The following RALGAPA2 variants were observed in gnomAD, a reference collection of about 807,000 sequenced individuals.
RALGAPA2 encodes ral GTPase-activating protein subunit alpha-2.
RALGAPA2 carries 139 observed loss-of-function variants against 230.4 expected under a neutral mutation model. The ratio of observed to expected loss-of-function variants is 0.60; its 90% CI spans 0.53 to 0.69. The LOEUF (loss-of-function observed/expected upper bound fraction) is 0.69, where lower values mean the gene tolerates loss of function less well. RALGAPA2 is among the 30% of genes least tolerant of loss of function. The pLI is 0.00. For missense variants in RALGAPA2, 2,163 were observed against 2,276.0 expected (o/e 0.95, Z 1.01); for synonymous variants, 847 against 837.8 (o/e 1.01, Z -0.19).
intron 11 of RALGAPA2, 39 bp downstream of exon 11, chr20:20,620,424 T>C (rs771339833): frequency 1.3e-6 from 2 of 1,595,990 alleles, no homozygotes; most frequent in East Asian, 2.2e-5. Flanking sequence ...TACTAAAATA[T>C]ATTTACCCTC....
chr20:20,515,793 G>C (rs1184611614), intron 31 of RALGAPA2, among the ~76,000 whole-genome samples: 1 of 151,000 alleles, frequency 6.6e-6, no homozygotes. Flanking sequence ...ACTGAATTTC[G>C]TGATATAATC....
chr20:20,637,246 C>T (rs754336553), intron 8 of RALGAPA2, 117 bp downstream of exon 8: 4 of 806,408 alleles, frequency 5.0e-6, no homozygotes, highest in Admixed American at 3.9e-5. Context: ...AATAAAGTTA[C>T]CATTCAATAC....
At chr20:20,513,611 C>T (rs1055167758) in intron 31 of RALGAPA2, among the ~76,000 whole-genome samples, 1 of 152,126 alleles carries the variant, frequency 6.6e-6, no homozygotes, top group African/African-American at 2.4e-5. Flanking sequence ...CAGTCTCTCT[C>T]TGTAATTTAC....
Sources: allele counts gnomAD v4.1 joint callset (sites outside exome capture counted in the v4.1 genomes callset), GRCh38; gene constraint gnomAD v4.1.1; transcripts MANE v1.5; gene names NCBI Gene and HGNC (gene_info 2026-07-23, HGNC 2026-07-21).